RERE: variants seen among roughly 807,000 people sequenced by gnomAD.
RERE encodes arginine-glutamic acid dipeptide repeats protein.
A neutral mutation model predicts 146.1 loss-of-function variants in RERE; 40 were observed. The ratio of observed to expected loss-of-function variants is 0.27; its 90% CI spans 0.21 to 0.36. The LOEUF is 0.36. Ranked by LOEUF, RERE falls within the 10% of genes least tolerant of loss-of-function variation. The pLI is 1.00. For synonymous variants in RERE, 1,003 were observed against 866.0 expected, an observed-to-expected ratio of 1.16 and a Z score of -2.78; for missense variants, 1,933 against 2,138.7, an observed-to-expected ratio of 0.90 and a Z score of 1.90.
chr1:8,414,055 C>CAA (rs71580026), intron 12 of RERE, among the ~76,000 whole-genome samples: 3,045 of 91,658 alleles, frequency 0.033, 209 homozygotes, highest in African/African-American at 0.13. Flanking sequence ...AACTCCATCT[C>CAA]AAAAAAAAAA....
At position 8,693,999 on chromosome 1, in the gene RERE, G is replaced by A. The variant is rs191162746; in HGVS notation, c.-144-37558C>T. 2.4e-5 allele frequency among the ~76,000 whole-genome samples: 3 copies of A among 126,184 alleles called. No homozygotes were observed. In the Admixed American group the frequency reaches 2.7e-4, roughly 12 times the overall value. The allele number at this position is 126,184 out of a possible 152,430, so 82.8% of individuals were successfully genotyped here. A position where few individuals can be genotyped will look rare whatever the true frequency, so the allele number is the denominator to read the frequency against. On this transcript the variant is annotated intron_variant, in intron 1 of 22. Transcript: ENST00000400908. ...AAATGCTTAAATGTTAGGCCTGTTAGCAAAACTGAACAACACCAATTTTCT... is the reference window on the plus strand; with the variant it reads ...AAATGCTTAAATGTTAGGCCTGTTAACAAAACTGAACAACACCAATTTTCT...
At chr1:8,514,612 T>C (rs1229865768) in intron 7 of RERE, among the ~76,000 whole-genome samples, 1 of 151,676 alleles carries the variant, frequency 6.6e-6, no homozygotes, top group Non-Finnish European at 1.5e-5. Context: ...GCCTGAATCC[T>C]AGCTACTCGG....
At chr1:8,416,392 T>TG (rs1318709129) in intron 12 of RERE, among the ~76,000 whole-genome samples, 2 of 152,054 alleles carry the variant, frequency 1.3e-5, no homozygotes, top group East Asian at 1.9e-4. Context: ...GAGACCATCC[T>TG]GGTTAACATG....
chr1:8,554,170 A>G (rs1332504238), intron 6 of RERE, among the ~76,000 whole-genome samples: 1 of 152,198 alleles, frequency 6.6e-6, no homozygotes, highest in African/African-American at 2.4e-5. Context: ...TGGGTGACAG[A>G]GCAACACCCC....
chr1:8,371,862 T>C (rs967745424), intron 12 of RERE, among the ~76,000 whole-genome samples: 4 of 152,200 alleles, frequency 2.6e-5, no homozygotes, highest in Non-Finnish European at 1.5e-5. Context: ...GGGTAAGTGA[T>C]AGGCAACCCG....
intron 8 of RERE, among the ~76,000 whole-genome samples, chr1:8,505,178 G>A (rs1645234039): frequency 6.6e-6 from 1 of 152,290 alleles, no homozygotes; most frequent in South Asian, 2.1e-4. Context: ...CAACTGCAAT[G>A]AATGGCTCTC....
chr1:8,373,407 C>A (rs891083847), intron 12 of RERE, among the ~76,000 whole-genome samples: 1 of 152,066 alleles, frequency 6.6e-6, no homozygotes, highest in African/African-American at 2.4e-5. Context: ...AAGAAATCCA[C>A]CCCTTCCTTA....
chr1:8,803,426 T>G (rs962624969), intron 1 of RERE, among the ~76,000 whole-genome samples: 5 of 151,936 alleles, frequency 3.3e-5, no homozygotes, highest in Non-Finnish European at 1.5e-5. Context: ...GCCAAGATTG[T>G]GCCACTGCAC....
chr1:8,633,769 GA>G lies in RERE; in HGVS notation c.326-9390del, dbSNP rs540543592. On this transcript the variant is annotated intron_variant, in intron 2 of 22. Transcript: ENST00000400908. The stretch of plus-strand genomic sequence containing the variant: ...TGGCAAAACTCTGTCTCTACAAAAA[GA>G]AAAAAAAAATTACCCAGGTGTGATG... 2.4e-4 allele frequency among the ~76,000 whole-genome samples: 36 copies of G among 148,182 alleles called. No individual in the cohort carries two copies. The South Asian group carries it at 7.3e-3, about 30-fold the overall frequency.
At position 8,687,903 on chromosome 1, in the gene RERE, C is replaced by A. The variant is rs141072552; in HGVS notation, c.-144-31462G>T. ...AATTTAGTTTTAGTTTAGTTATATTCTTATTCACAGAAGTACAAATTTACA... is the reference window on the plus strand; with the variant it reads ...AATTTAGTTTTAGTTTAGTTATATTATTATTCACAGAAGTACAAATTTACA... On this transcript the variant is annotated intron_variant, in intron 1 of 22. Transcript: ENST00000400908. Among the ~76,000 whole-genome samples, 622 of 152,264 alleles carry A rather than the reference C, an allele frequency of 4.1e-3. 5 individuals carry two copies. Among genetic ancestry groups the A allele is most frequent in the African/African-American group, 0.014 (596 of 41,536 alleles).
Position 8,361,504 on chromosome 1 carries a change from A to C in RERE, c.2017-14T>G, listed in dbSNP as rs1397870761. The C allele has an allele frequency of 6.2e-7, 1 of 1,607,938 alleles. No individual in the cohort carries two copies. Among genetic ancestry groups the C allele is most frequent in the African/African-American group, 1.3e-5 (1 of 75,008 alleles). ...CCTGCTGATCTCCTGGAGTCAGAGA[A>C]GGGAAGGATGGAAGTCCCAGGAGGG... On this transcript the variant is annotated splice_polypyrimidine_tract_variant and intron_variant, in intron 17 of 22. Coordinates refer to ENST00000400908, the MANE Select transcript of RERE (RefSeq NM_001042681.2).
rs548097933 is a variant in RERE at position 8,388,108 on chromosome 1, A to G, written c.1285-22134T>C. 7.7e-4 allele frequency among the ~76,000 whole-genome samples: 117 copies of G among 152,346 alleles called. 1 individual carries two copies. The highest frequency in any genetic ancestry group is 2.7e-3 in the African/African-American group (112 of 41,574). Reference sequence around the variant, plus strand: ...TGCCTCTCGGGATAAAGGGGAATGAAAACAGCAAGGTGCAGGACATTTTTC... The same window carrying G: ...TGCCTCTCGGGATAAAGGGGAATGAGAACAGCAAGGTGCAGGACATTTTTC... On this transcript the variant is annotated intron_variant, in intron 12 of 22. Transcript: ENST00000400908.
intron 7 of RERE, among the ~76,000 whole-genome samples, chr1:8,526,962 T>C (rs548853508): frequency 2.0e-5 from 3 of 152,252 alleles, no homozygotes; most frequent in African/African-American, 7.2e-5. Flanking sequence ...GCCAAAATTA[T>C]AAAGGACAAG....
rs148382972 is a variant in RERE at position 8,414,849 on chromosome 1, GA to G, written c.1284+7877del. 7.1e-3 allele frequency among the ~76,000 whole-genome samples: 1,055 copies of G among 149,318 alleles called. 6 individuals carry two copies. The highest frequency in any genetic ancestry group is 0.024 in the African/African-American group (960 of 40,798). ...ATGGTTTTCAAATTATACATGACAG[GA>G]AAAAAAAAATCTTACTGGGAGTAGG... On this transcript the variant is annotated intron_variant, in intron 12 of 22. Coordinates refer to ENST00000400908, the MANE Select transcript of RERE (RefSeq NM_001042681.2).
At chr1:8,647,028 G>A (rs1362272160) in intron 2 of RERE, among the ~76,000 whole-genome samples, 1 of 152,220 alleles carries the variant, frequency 6.6e-6, no homozygotes, top group Non-Finnish European at 1.5e-5. Flanking sequence ...TGAGGCTGCA[G>A]TGAGCAATGA....
At position 8,365,860 on chromosome 1, in the gene RERE, C is replaced by A. The variant is rs140945349; in HGVS notation, c.1399G>T (p.Ala467Ser). Residue 467 changes from alanine to serine, a missense_variant, in exon 13 of 23, where the codon GCG (alanine) becomes TCG (serine). Around this residue, in one of 11 missense-constraint regions of RERE, gnomAD observed 260 missense variants for 378.4 expected, o/e 0.69. Transcript: ENST00000400908. The part of the protein sequence containing the change: ...AVFRRIKTRT[A>S]STPVNTPSRP... The stretch of plus-strand genomic sequence containing the variant: ...GAGGGTGTGTTGACGGGTGTGGACG[C>A]GGTGCGAGTCTTAATCCTCCTGAAC... 6.2e-7 allele frequency: 1 copy of A among 1,614,006 alleles called. No homozygotes were observed. Among genetic ancestry groups the A allele is most frequent in the Non-Finnish European group, 8.5e-7 (1 of 1,180,032 alleles).
chr1:8,658,160 T>A (rs1451503832), intron 1 of RERE, among the ~76,000 whole-genome samples: 1 of 152,214 alleles, frequency 6.6e-6, no homozygotes, highest in Admixed American at 6.5e-5. Context: ...ATAAATAATT[T>A]ATCTTTTGTT....
At chr1:8,392,013 T>C (rs1287330376) in intron 12 of RERE, among the ~76,000 whole-genome samples, 1 of 152,060 alleles carries the variant, frequency 6.6e-6, no homozygotes, top group Non-Finnish European at 1.5e-5. Flanking sequence ...GACAGCAGAG[T>C]GAGACTCTGC....
chr1:8,797,115 T>C (rs916279367), intron 1 of RERE, among the ~76,000 whole-genome samples: 3 of 151,944 alleles, frequency 2.0e-5, no homozygotes, highest in African/African-American at 7.3e-5. Context: ...TGGCTCATGC[T>C]GTCATCCCAG....
Sources: allele counts gnomAD v4.1 joint callset (sites outside exome capture counted in the v4.1 genomes callset), GRCh38; gene constraint gnomAD v4.1.1; regional missense constraint gnomAD v4.1.1; transcripts MANE v1.5; gene names NCBI Gene and HGNC (gene_info 2026-07-23, HGNC 2026-07-21).